The following SPTBN1 variants were observed in gnomAD, a reference collection of about 807,000 sequenced individuals.
The protein encoded by SPTBN1 is spectrin beta, non-erythrocytic 1, also known as spectrin beta chain, non-erythrocytic 1.
Under a neutral mutation model 266.4 loss-of-function variants are expected in SPTBN1, and 32 were observed. That is an observed-to-expected ratio of 0.12 (90% CI 0.09 to 0.16). SPTBN1 has a LOEUF of 0.16. SPTBN1 is among the 10% of genes least tolerant of loss of function. SPTBN1 has a pLI of 1.00. For synonymous variants in SPTBN1, 1,336 were observed against 1,162.2 expected, an observed-to-expected ratio of 1.15 and a Z score of -3.04; for missense variants, 2,296 against 3,067.1, an observed-to-expected ratio of 0.75 and a Z score of 5.94.
chr2:54,463,757 C>G (rs1014487289), intron 1 of SPTBN1, among the ~76,000 whole-genome samples: 1 of 152,136 alleles, frequency 6.6e-6, no homozygotes, highest in Non-Finnish European at 1.5e-5. Context: ...AAGGTATATT[C>G]TAGCAAATAA....
intron 1 of SPTBN1, among the ~76,000 whole-genome samples, chr2:54,499,141 G>A (rs1020132264): frequency 3.5e-5 from 2 of 57,290 alleles, no homozygotes; most frequent in African/African-American, 2.3e-4. Flanking sequence ...CTTCTGGAAG[G>A]GATCGATCTG....
At chr2:54,460,507 G>T (rs1326292528) in intron 1 of SPTBN1, among the ~76,000 whole-genome samples, 1 of 152,126 alleles carries the variant, frequency 6.6e-6, no homozygotes, top group African/African-American at 2.4e-5. Flanking sequence ...AAAGGCATTG[G>T]TTTTGAGACA....
intron 2 of SPTBN1, among the ~76,000 whole-genome samples, chr2:54,539,167 G>A (rs1671787708): frequency 6.6e-6 from 1 of 152,114 alleles, no homozygotes; most frequent in Admixed American, 6.6e-5. Context: ...CAGTGACAGT[G>A]GTAACATTTG....
At chr2:54,509,153 A>G (rs375805884) in intron 1 of SPTBN1, among the ~76,000 whole-genome samples, 3 of 152,304 alleles carry the variant, frequency 2.0e-5, no homozygotes, top group African/African-American at 7.2e-5. Flanking sequence ...GGCCTGGTGG[A>G]ACTGCCATCA....
intron 18 of SPTBN1, among the ~76,000 whole-genome samples, chr2:54,638,449 A>T (rs748960671): frequency 2.6e-5 from 4 of 152,254 alleles, no homozygotes; most frequent in Admixed American, 6.5e-5. Context: ...GGCTGTTCCC[A>T]TGTGTATCTA....
At chr2:54,457,385 G>C (rs984266267) in intron 1 of SPTBN1, 6 of 152,530 alleles carry the variant, frequency 3.9e-5, no homozygotes, top group African/African-American at 1.4e-4. Context: ...CTTTGTTTTT[G>C]TGATAGGAAA....
At chr2:54,528,666 GCAGTGTATACTCTTTTT>G (rs1670988621) in intron 2 of SPTBN1, 1 of 150,132 alleles carries the variant, frequency 6.7e-6, no homozygotes, top group African/African-American at 2.5e-5. Context: ...TACTAACTCT[GCAGTGTATACTCTTTTT>G]CAGTATTCAG....
In SPTBN1 at chr2:54,629,014, C is replaced by T. The variant is rs557616559; in HGVS notation, c.1880C>T (p.Ala627Val). 39 of 1,613,684 alleles carry T rather than the reference C, an allele frequency of 2.4e-5. No individual in the cohort carries two copies. Among genetic ancestry groups the T allele is most frequent in the East Asian group, 4.5e-5 (2 of 44,886 alleles). ...EFCYQELCQL[A>V]AERRARLEES... ...TGTTATCAAGAGCTTTGCCAGCTGG[C>T]GGCTGAGCGCAGGGCCCGTCTGGAA... The change falls in exon 14 of 36, where the codon GCG becomes GTG. Residue 627 changes from alanine to valine, a missense_variant. Around this residue, in one of 12 missense-constraint regions of SPTBN1, gnomAD observed 434 missense variants for 573.9 expected, o/e 0.76. Coordinates refer to ENST00000356805, the MANE Select transcript of SPTBN1 (RefSeq NM_003128.3).
At chr2:54,666,211 A>G in intron 34 of SPTBN1, 123 bp downstream of exon 34, 2 of 1,085,216 alleles carry the variant, frequency 1.8e-6, no homozygotes, top group South Asian at 1.7e-5. Flanking sequence ...TTAAATCCCC[A>G]ATAAAGTGAA....
At chr2:54,568,131 A>G (rs1186674211) in intron 2 of SPTBN1, among the ~76,000 whole-genome samples, 1 of 152,182 alleles carries the variant, frequency 6.6e-6, no homozygotes, top group African/African-American at 2.4e-5. Flanking sequence ...CCTTAATCCC[A>G]GCACTTTGGG....
intron 27 of SPTBN1, among the ~76,000 whole-genome samples, chr2:54,654,369 T>TATA (rs1680508969): frequency 6.6e-6 from 1 of 152,224 alleles, no homozygotes; most frequent in Non-Finnish European, 1.5e-5. Context: ...TATCTTTGGC[T>TATA]TTGTTTCATG....
In SPTBN1 at chr2:54,631,627, G is replaced by A. The variant is rs1678736101; in HGVS notation, c.3564+16G>A. 6.3e-7 allele frequency: 1 copy of A among 1,598,200 alleles called. No homozygotes were observed. Among genetic ancestry groups the A allele is most frequent in the African/African-American group, 1.3e-5 (1 of 74,684 alleles). On this transcript the variant is annotated intron_variant, in intron 16 of 35. Transcript: ENST00000356805. The stretch of plus-strand genomic sequence containing the variant: ...TAACAACCAGGTAAGGTTTGTTCCT[G>A]CCTTTGCTTCCTTTCGGTGAAAGCA...
chr2:54,634,281 T>C (rs1678962790), intron 17 of SPTBN1, among the ~76,000 whole-genome samples: 1 of 152,228 alleles, frequency 6.6e-6, no homozygotes, highest in Admixed American at 6.5e-5. Flanking sequence ...AAGCAGATGA[T>C]GCTGTCTAGA....
chr2:54,523,284 C>T (rs1452621606), intron 1 of SPTBN1, among the ~76,000 whole-genome samples: 1 of 152,208 alleles, frequency 6.6e-6, no homozygotes, highest in African/African-American at 2.4e-5. Flanking sequence ...AATTAATACA[C>T]CCGTGAATGT....
At position 54,649,469 on chromosome 2, in the gene SPTBN1, C is replaced by G; in HGVS notation, c.5203-146C>G. On this transcript the variant is annotated intron_variant, in intron 25 of 35. Transcript: ENST00000356805. This position sits in a 1 kb window ranked among gnomAD's most constrained non-coding sequence, Gnocchi z 6.7. Reference sequence around the variant, plus strand: ...GGAAACCCAGTTGCTAAGAGGTTCTCGAGCTAAGATCTATTGTTCTGAAGT... The same window carrying G: ...GGAAACCCAGTTGCTAAGAGGTTCTGGAGCTAAGATCTATTGTTCTGAAGT... 7.6e-7 allele frequency: 1 copy of G among 1,313,082 alleles called. No homozygotes were observed. The highest frequency in any genetic ancestry group is 1.0e-6 in the Non-Finnish European group (1 of 978,128). The allele number at this position is 1,313,082 out of a possible 1,614,324, so 81.3% of individuals were successfully genotyped here. A position where few individuals can be genotyped will look rare whatever the true frequency, so the allele number is the denominator to read the frequency against.
chr2:54,607,888 A>G (rs909877126), intron 3 of SPTBN1, among the ~76,000 whole-genome samples: 1 of 152,204 alleles, frequency 6.6e-6, no homozygotes, highest in Non-Finnish European at 1.5e-5. Flanking sequence ...AGGAGAAAAG[A>G]AAGTGAAAAA....
At chr2:54,562,860 G>A (rs1411793542) in intron 2 of SPTBN1, among the ~76,000 whole-genome samples, 1 of 152,072 alleles carries the variant, frequency 6.6e-6, no homozygotes, top group African/African-American at 2.4e-5. Context: ...ACCCGGCCTA[G>A]AAATGCTTAC....
At chr2:54,663,385 AACTCGCTAATCGC>A (rs1681177988) in intron 32 of SPTBN1, 1 of 152,252 alleles carries the variant, frequency 6.6e-6, no homozygotes, top group Non-Finnish European at 1.5e-5. Flanking sequence ...CAGCTTTAGT[AACTCGCTAATCGC>A]ACACCCTGGG....
At chr2:54,634,971 A>C (rs375658629) in intron 17 of SPTBN1, among the ~76,000 whole-genome samples, 1 of 152,238 alleles carries the variant, frequency 6.6e-6, no homozygotes, top group East Asian at 1.9e-4. Flanking sequence ...ATGGGGAGCA[A>C]GGAACAGTAT....
Sources: gnomAD v4.1 joint callset for allele counts (sites outside exome capture counted in the v4.1 genomes callset) on GRCh38, gnomAD v4.1.1 for gene constraint, gnomAD v4.1.1 regional missense constraint, Gnocchi (gnomAD v3.1) non-coding constraint, MANE v1.5 for transcripts, NCBI Gene and HGNC (gene_info 2026-07-23, HGNC 2026-07-21) for gene names.